The following ANKRD13C variants were observed in gnomAD, a reference collection of about 807,000 sequenced individuals.
ANKRD13C encodes the protein ankyrin repeat domain 13C.
In ANKRD13C, 16 loss-of-function variants were observed where a neutral mutation model predicts 65.5. The ratio of observed to expected loss-of-function variants is 0.24; its 90% CI spans 0.17 to 0.37. The LOEUF (loss-of-function observed/expected upper bound fraction) is 0.37, where lower values mean the gene tolerates loss of function less well. Ranked by LOEUF, ANKRD13C falls within the 10% of genes least tolerant of loss-of-function variation. The probability of loss-of-function intolerance (pLI) is 1.00; values close to 1 mark genes in which losing one functional copy is unlikely to be tolerated. For missense variants in ANKRD13C, 503 were observed against 655.9 expected (o/e 0.77, Z 2.55); for synonymous variants, 235 against 238.7 (o/e 0.98, Z 0.14).
intron 9 of ANKRD13C, among the ~76,000 whole-genome samples, chr1:70,290,067 T>C (rs1240784372): frequency 6.6e-6 from 1 of 152,198 alleles, no homozygotes; most frequent in African/African-American, 2.4e-5. Context: ...GGTGAAGCTT[T>C]ATCCCAAAGT....
At chr1:70,282,901 T>C (rs1265998834) in intron 9 of ANKRD13C, among the ~76,000 whole-genome samples, 2 of 152,118 alleles carry the variant, frequency 1.3e-5, no homozygotes, top group Non-Finnish European at 2.9e-5. Flanking sequence ...AAAGACACAT[T>C]TGTCATATGA....
intron 4 of ANKRD13C, among the ~76,000 whole-genome samples, chr1:70,314,360 A>C (rs1680983347): frequency 6.6e-6 from 1 of 150,990 alleles, no homozygotes; most frequent in African/African-American, 2.4e-5. Context: ...CTGGGACTAC[A>C]GGCGCCTGCC....
At chr1:70,341,279 T>C (rs768686543) in intron 1 of ANKRD13C, among the ~76,000 whole-genome samples, 2 of 152,048 alleles carry the variant, frequency 1.3e-5, no homozygotes, top group Non-Finnish European at 2.9e-5. Context: ...TAAGACAATA[T>C]TTGTCTTTTT....
At chr1:70,288,499 A>C (rs1679720142) in intron 9 of ANKRD13C, among the ~76,000 whole-genome samples, 1 of 152,224 alleles carries the variant, frequency 6.6e-6, no homozygotes, top group Non-Finnish European at 1.5e-5. Flanking sequence ...GTTCTTCAAC[A>C]TGTGAATGGT....
chr1:70,268,996 G>C (rs1432453801), intron 12 of ANKRD13C, among the ~76,000 whole-genome samples: 1 of 151,206 alleles, frequency 6.6e-6, no homozygotes, highest in African/African-American at 2.4e-5. Flanking sequence ...CCACTAACTC[G>C]TCATCTAGCA....
intron 6 of ANKRD13C, among the ~76,000 whole-genome samples, chr1:70,302,725 C>CAAAAAA (rs11359618): frequency 0.02 from 651 of 32,264 alleles, no homozygotes; most frequent in East Asian, 0.026. Flanking sequence ...GACTCCGTCT[C>CAAAAAA]AAAAAAAAAA....
chr1:70,308,771 A>C (rs1367539180), intron 5 of ANKRD13C, among the ~76,000 whole-genome samples: 2 of 151,822 alleles, frequency 1.3e-5, no homozygotes, highest in Admixed American at 6.6e-5. Context: ...AAAGAAGTTA[A>C]ATTATTGAGC....
intron 2 of ANKRD13C, among the ~76,000 whole-genome samples, chr1:70,332,001 A>C (rs1681829542): frequency 6.6e-6 from 1 of 152,190 alleles, no homozygotes; most frequent in Non-Finnish European, 1.5e-5. Context: ...TCATAAGAAA[A>C]AAAGCAAAAA....
At chr1:70,278,171 AAAGT>A (rs1679223120) in intron 9 of ANKRD13C, among the ~76,000 whole-genome samples, 1 of 151,152 alleles carries the variant, frequency 6.6e-6, no homozygotes, top group African/African-American at 2.4e-5. Flanking sequence ...CCTGGGTAAC[AAAGT>A]AAGACCCTGC....
At chr1:70,316,052 A>T (rs1340860506) in intron 3 of ANKRD13C, among the ~76,000 whole-genome samples, 2 of 152,200 alleles carry the variant, frequency 1.3e-5, no homozygotes. Context: ...AAAACAACAG[A>T]TCTCAAAAAT....
intron 5 of ANKRD13C, among the ~76,000 whole-genome samples, chr1:70,309,533 A>T (rs545582708): frequency 5.3e-4 from 79 of 150,278 alleles, no homozygotes; most frequent in Middle Eastern, 3.4e-3. Context: ...CTTGGCTAAC[A>T]CGGTGAAATC....
intron 7 of ANKRD13C, among the ~76,000 whole-genome samples, chr1:70,299,252 C>T (rs935126135): frequency 6.6e-6 from 1 of 151,994 alleles, no homozygotes; most frequent in Non-Finnish European, 1.5e-5. Flanking sequence ...GCCAAGAGTG[C>T]AGTATGAGGG....
intron 9 of ANKRD13C, among the ~76,000 whole-genome samples, chr1:70,280,447 T>G (rs150394253): frequency 1.3e-5 from 2 of 152,178 alleles, no homozygotes; most frequent in African/African-American, 4.8e-5. Context: ...TACATGAAGA[T>G]TAGTAGTAAG....
In ANKRD13C at chr1:70,336,047, T is replaced by C. The variant is rs747647659; in HGVS notation, c.472+11A>G. 7.4e-6 allele frequency: 6 copies of C among 806,414 alleles called. 1 individual carries two copies. The South Asian group carries it at 1.5e-4, about 20-fold the overall frequency. 50.0% of individuals were successfully genotyped at this position (806,414 alleles called of 1,614,324 possible). Reference sequence around the variant, plus strand: ...TGAAGTTAAACATAAAAAAAGAAAATATTTACTAACCTTTATTTCCTAACA... The same window carrying C: ...TGAAGTTAAACATAAAAAAAGAAAACATTTACTAACCTTTATTTCCTAACA... On this transcript the variant is annotated intron_variant, in intron 2 of 12. Transcript: ENST00000370944.
At chr1:70,314,069 T>C (rs1025572059) in intron 4 of ANKRD13C, among the ~76,000 whole-genome samples, 2 of 151,914 alleles carry the variant, frequency 1.3e-5, no homozygotes, top group Non-Finnish European at 2.9e-5. Context: ...ACTTTAGAAG[T>C]GTTATTAAAA....
chr1:70,270,948 T>C lies in ANKRD13C; in HGVS notation c.1403A>G (p.Asn468Ser). The stretch of plus-strand genomic sequence containing the variant: ...GAAGGGAGCTACTACTTCTAAAACA[T>C]TCAATAATCTGAAAAATGGAAGAAG... The part of the protein sequence containing the change: ...EFPLGIELLL[N>S]VLEVVAPFKH... The change falls in exon 12 of 13, where the codon AAT (asparagine) becomes AGT (serine). Residue 468 changes from asparagine to serine, a missense_variant. By Grantham distance (46) the Asn-to-Ser change is conservative. This residue lies in a region of ANKRD13C where 300 missense variants were observed against 478.3 expected (regional missense o/e 0.63). Coordinates refer to ENST00000370944, the MANE Select transcript of ANKRD13C (RefSeq NM_030816.5). 1 of 1,600,538 alleles carries C rather than the reference T, an allele frequency of 6.2e-7. No homozygotes were observed. Among genetic ancestry groups the C allele is most frequent in the African/African-American group, 1.3e-5 (1 of 74,616 alleles).
chr1:70,301,333 A>G (rs1270087005), intron 6 of ANKRD13C, among the ~76,000 whole-genome samples: 1 of 152,172 alleles, frequency 6.6e-6, no homozygotes, highest in Non-Finnish European at 1.5e-5. Context: ...ACTCAATAAA[A>G]GTGAACGGGG....
rs1380677152 is a variant in ANKRD13C, at chr1:70,262,705, T to C, written c.*12A>G. On this transcript the variant is annotated 3_prime_UTR_variant, in exon 13 of 13. Transcript: ENST00000370944. ...TCTTTCCTTGGTTAGACGGCATCCT[T>C]TTCCACGTCAGTTAAAGATCAGGAA... 6.2e-7 allele frequency: 1 copy of C among 1,610,590 alleles called. No individual in the cohort carries two copies. Among genetic ancestry groups the C allele is most frequent in the Non-Finnish European group, 8.5e-7 (1 of 1,177,746 alleles).
intron 6 of ANKRD13C, among the ~76,000 whole-genome samples, chr1:70,304,304 G>A (rs1680499603): frequency 6.6e-6 from 1 of 152,172 alleles, no homozygotes; most frequent in Non-Finnish European, 1.5e-5. Flanking sequence ...TATATAATAT[G>A]TACTAAAACA....
Sources: gnomAD v4.1 joint callset for allele counts (sites outside exome capture counted in the v4.1 genomes callset) on GRCh38, gnomAD v4.1.1 for gene constraint, gnomAD v4.1.1 regional missense constraint, MANE v1.5 for transcripts, NCBI Gene and HGNC (gene_info 2026-07-23, HGNC 2026-07-21) for gene names.